Variants in SLC24A2 observed in about 807,000 individuals in gnomAD.
SLC24A2 encodes the protein sodium/potassium/calcium exchanger 2.
A neutral mutation model predicts 62.0 loss-of-function variants in SLC24A2; 36 were observed. The ratio of observed to expected loss-of-function variants is 0.58; its 90% CI spans 0.44 to 0.77. SLC24A2 has a LOEUF of 0.77. SLC24A2 is among the 30% of genes least tolerant of loss of function. The pLI is 0.00. For synonymous variants in SLC24A2, 358 were observed against 294.0 expected (o/e 1.22, Z -2.23); for missense variants, 846 against 817.9 (o/e 1.03, Z -0.42).
At chr9:19,982,081 T>C in the SLC24A2 span, among the ~76,000 whole-genome samples, 1 of 152,040 alleles carries the variant, frequency 6.6e-6, no homozygotes, top group African/African-American at 2.4e-5. Flanking sequence ...TGCAAAGGTG[T>C]GTTACTCTGG....
chr9:19,542,196 G>A (rs968150183), intron 8 of SLC24A2, among the ~76,000 whole-genome samples: 16 of 152,276 alleles, frequency 1.1e-4, no homozygotes, highest in African/African-American at 2.2e-4. Context: ...GCTGTAGACC[G>A]GAGCTGTTCC....
At chr9:20,005,644 G>GTGGGT in the SLC24A2 span, among the ~76,000 whole-genome samples, 1 of 151,902 alleles carries the variant, frequency 6.6e-6, no homozygotes, top group Non-Finnish European at 1.5e-5. Flanking sequence ...GTGGGGTGGG[G>GTGGGT]TGGGACAGGG....
chr9:20,112,478 A>T, the SLC24A2 span, among the ~76,000 whole-genome samples: 152,173 of 152,332 alleles, frequency 1, 76,007 homozygotes, highest in Non-Finnish European at 1. Flanking sequence ...CTTTACCATA[A>T]AAGATTACCT....
At chr9:19,575,713 G>C (rs991403071) in intron 6 of SLC24A2, among the ~76,000 whole-genome samples, 13 of 152,248 alleles carry the variant, frequency 8.5e-5, no homozygotes, top group African/African-American at 3.1e-4. Context: ...CCAAGTCTAA[G>C]GTTGGCCAGT....
At chr9:20,051,657 CTTTTTTT>C in the SLC24A2 span, among the ~76,000 whole-genome samples, 3 of 73,510 alleles carry the variant, frequency 4.1e-5, no homozygotes, top group South Asian at 4.6e-4. Flanking sequence ...TTTTCTTTCT[CTTTTTTT>C]TTTTTTTTTT....
the SLC24A2 span, among the ~76,000 whole-genome samples, chr9:20,079,808 T>C: frequency 1.3e-5 from 2 of 152,198 alleles, no homozygotes; most frequent in Non-Finnish European, 2.9e-5. Flanking sequence ...TGAAGTTGCC[T>C]ATCAGCTTAA....
Position 19,649,248 on chromosome 9 carries a change from T to A in SLC24A2, c.931-26949A>T, listed in dbSNP as rs572879947. Among the ~76,000 whole-genome samples the A allele has an allele frequency of 4.6e-5, 7 of 152,112 alleles. No individual in the cohort carries two copies. The South Asian group carries it at 1.2e-3, about 27-fold the overall frequency. ...ACTTTGTACCCTTGAGATGACGGAG[T>A]AGGCTCTTTGAATTTACTTTCATGA... On this transcript the variant is annotated intron_variant, in intron 2 of 10. Transcript: ENST00000341998.
intron 2 of SLC24A2, among the ~76,000 whole-genome samples, chr9:19,760,955 C>T (rs538612114): frequency 6.6e-6 from 1 of 152,114 alleles, no homozygotes; most frequent in East Asian, 2.0e-4. Flanking sequence ...GGAGATACAC[C>T]TCACGTAAAC....
rs182941429 is a variant in SLC24A2 at position 19,658,049 on chromosome 9, C to A, written c.931-35750G>T. On this transcript the variant is annotated intron_variant, in intron 2 of 10. Transcript: ENST00000341998. ...TCCCAAGGCCACAAACCATAGCATC[C>A]CCCAAACAATGTACATCAGGCACTG... is the stretch of plus-strand genomic sequence containing the variant. Among the ~76,000 whole-genome samples the A allele has an allele frequency of 2.4e-4, 36 of 152,234 alleles. 1 individual carries two copies. The highest frequency in any genetic ancestry group is 8.4e-4 in the African/African-American group (35 of 41,536).
At chr9:19,822,086 C>T in the SLC24A2 span, among the ~76,000 whole-genome samples, 1 of 152,254 alleles carries the variant, frequency 6.6e-6, no homozygotes, top group South Asian at 2.1e-4. Context: ...CTAAGAAAAG[C>T]ATCACCAGCT....
At chr9:19,697,783 C>A (rs1456820068) in intron 2 of SLC24A2, among the ~76,000 whole-genome samples, 1 of 152,090 alleles carries the variant, frequency 6.6e-6, no homozygotes, top group Non-Finnish European at 1.5e-5. Flanking sequence ...TCATTGACAT[C>A]ATTAAGTACT....
At chr9:19,844,493 T>C in the SLC24A2 span, among the ~76,000 whole-genome samples, 1 of 152,200 alleles carries the variant, frequency 6.6e-6, no homozygotes, top group Non-Finnish European at 1.5e-5. Flanking sequence ...TAGTTTCTTT[T>C]GCTGTGCAGA....
the SLC24A2 span, among the ~76,000 whole-genome samples, chr9:20,115,376 G>C: frequency 6.6e-6 from 1 of 152,102 alleles, no homozygotes. Context: ...ACTACCCTCA[G>C]TCAGATACGG....
the SLC24A2 span, among the ~76,000 whole-genome samples, chr9:19,887,247 A>T: frequency 1.3e-5 from 2 of 152,166 alleles, no homozygotes; most frequent in African/African-American, 4.8e-5. Context: ...CCCACTTTTT[A>T]ATGGGGTTGC....
the SLC24A2 span, among the ~76,000 whole-genome samples, chr9:19,874,081 T>TTTCTTTTCTTTTC: frequency 5.4e-5 from 7 of 130,348 alleles, no homozygotes; most frequent in African/African-American, 1.6e-4. Context: ...TTTTCTTTTT[T>TTTCTTTTCTTTTC]TTTTTTTTTT....
At chr9:20,230,457 T>A in the SLC24A2 span, among the ~76,000 whole-genome samples, 14 of 152,206 alleles carry the variant, frequency 9.2e-5, no homozygotes, top group Non-Finnish European at 1.5e-4. Flanking sequence ...CTCATTGTGG[T>A]TTTGATTTGC....
At chr9:20,197,612 TAG>T in the SLC24A2 span, among the ~76,000 whole-genome samples, 3 of 151,898 alleles carry the variant, frequency 2.0e-5, no homozygotes, top group Admixed American at 1.3e-4. Context: ...TTGTATTTTT[TAG>T]AGAGACAGGG....
At chr9:20,173,255 C>T in the SLC24A2 span, among the ~76,000 whole-genome samples, 1 of 152,028 alleles carries the variant, frequency 6.6e-6, no homozygotes, top group Non-Finnish European at 1.5e-5. Context: ...AAGGCATTCC[C>T]TCTGAGAACT....
At chr9:19,525,409 TTTTTTTTTTTA>T (rs1833396128) in intron 9 of SLC24A2, among the ~76,000 whole-genome samples, 2 of 143,576 alleles carry the variant, frequency 1.4e-5, no homozygotes, top group East Asian at 4.0e-4. Flanking sequence ...TTTTTTTTTT[TTTTTTTTTTTA>T]AAAGACAGGG....
Sources: gnomAD v4.1 joint callset for allele counts (sites outside exome capture counted in the v4.1 genomes callset) on GRCh38, gnomAD v4.1.1 for gene constraint, MANE v1.5 for transcripts, NCBI Gene and HGNC (gene_info 2026-07-23, HGNC 2026-07-21) for gene names.